The following PLCXD2 variants were observed in gnomAD, a reference collection of about 807,000 sequenced individuals.
PLCXD2 encodes the protein PI-PLC X domain-containing protein 2.
In PLCXD2, 21 loss-of-function variants were observed where a neutral mutation model predicts 28.6. That is an observed-to-expected ratio of 0.73 (90% CI 0.52 to 1.06). The LOEUF (loss-of-function observed/expected upper bound fraction) is 1.06, where lower values mean the gene tolerates loss of function less well. Ranked by LOEUF, PLCXD2 falls within the 50% of genes least tolerant of loss-of-function variation. The pLI, the probability that PLCXD2 is intolerant of heterozygous loss-of-function variation, is 0.00. For synonymous variants in PLCXD2, 140 were observed against 150.1 expected, an observed-to-expected ratio of 0.93 and a Z score of 0.49; for missense variants, 369 against 376.7, an observed-to-expected ratio of 0.98 and a Z score of 0.17.
chr3:111,711,259 C>T (rs1339916715), intron 2 of PLCXD2, among the ~76,000 whole-genome samples: 1 of 152,152 alleles, frequency 6.6e-6, no homozygotes, highest in Non-Finnish European at 1.5e-5. Flanking sequence ...CAAAAATTAG[C>T]TGGGCATGGT....
chr3:111,722,213 T>TTATTTATG lies in PLCXD2; in HGVS notation c.866+8088_866+8089insTTATGTAT, dbSNP rs1559799987. On this transcript the variant is annotated intron_variant, in intron 3 of 4. Transcript: ENST00000477665. ...TTTATTTATTTATTTATTTATTTATTTATAGATTAAATATCTGCCGTGCTT... is the reference window on the plus strand; with the variant it reads ...TTTATTTATTTATTTATTTATTTATTTATTTATGTATAGATTAAATATCTGCCGTGCTT... The TTATTTATG allele has an allele frequency of 3.9e-5, 6 of 152,080 alleles. No homozygotes were observed. In the East Asian group the frequency reaches 1.2e-3, roughly 29 times the overall value. 9.4% of individuals were successfully genotyped at this position (152,080 alleles called of 1,614,324 possible).
At position 111,708,270 on chromosome 3, in the gene PLCXD2, G is replaced by A. The variant is rs2107862819; in HGVS notation, c.508G>A (p.Glu170Lys). Residue 170 changes from glutamate to lysine, a missense_variant, in exon 2 of 5, where the codon GAG becomes AAG. Physicochemically the swap from Glu to Lys is moderately conservative, Grantham distance 56 (BLOSUM62 1). Transcript: ENST00000477665. Reference sequence around the variant, plus strand: ...TTTCAACCACTTCTATGCCATGGATGAGACCCATCACAAATGCCTGGTTCT... The same window carrying A: ...TTTCAACCACTTCTATGCCATGGATAAGACCCATCACAAATGCCTGGTTCT... 2 of 1,614,154 alleles carry A rather than the reference G, an allele frequency of 1.2e-6. No individual in the cohort carries two copies. Among genetic ancestry groups the A allele is most frequent in the African/African-American group, 1.3e-5 (1 of 75,038 alleles).
At chr3:111,725,496 G>T (rs1035914900) in intron 3 of PLCXD2, 5 of 396,950 alleles carry the variant, frequency 1.3e-5, no homozygotes, top group Middle Eastern at 6.3e-4. Flanking sequence ...GACGCTCTCC[G>T]TAGCTTCTGG....
chr3:111,711,778 C>T (rs1233838714), intron 2 of PLCXD2, among the ~76,000 whole-genome samples: 2 of 152,104 alleles, frequency 1.3e-5, no homozygotes, highest in African/African-American at 4.8e-5. Flanking sequence ...AACTGATAGA[C>T]AATTGCATGA....
At chr3:111,703,888 A>G (rs1022828662) in intron 1 of PLCXD2, among the ~76,000 whole-genome samples, 6 of 152,154 alleles carry the variant, frequency 3.9e-5, no homozygotes, top group Non-Finnish European at 8.8e-5. Flanking sequence ...TCACTTGCAA[A>G]ATTCAATTTG....
At position 111,697,107 on chromosome 3, in the gene PLCXD2, C is replaced by G. The variant is rs141239386; in HGVS notation, c.164-10819C>G. On this transcript the variant is annotated intron_variant, in intron 1 of 4. Transcript: ENST00000477665. ...TGTAGATATTCCATCCAAACTCTTGCTATCCAAACATTTGCTATAACTTAT... is the reference window on the plus strand; with the variant it reads ...TGTAGATATTCCATCCAAACTCTTGGTATCCAAACATTTGCTATAACTTAT... Among the ~76,000 whole-genome samples, 314 of 152,216 alleles carry G rather than the reference C, an allele frequency of 2.1e-3. 1 individual carries two copies. The highest frequency in any genetic ancestry group is 3.9e-3 in the Non-Finnish European group (264 of 67,992).
intron 1 of PLCXD2, among the ~76,000 whole-genome samples, chr3:111,689,291 G>A (rs1559792529): frequency 6.6e-6 from 1 of 152,180 alleles, no homozygotes; most frequent in Non-Finnish European, 1.5e-5. Flanking sequence ...ACAGAGAAGG[G>A]CTGCCATGGT....
chr3:111,717,847 G>A (rs1018770653), intron 3 of PLCXD2, among the ~76,000 whole-genome samples: 2 of 152,164 alleles, frequency 1.3e-5, no homozygotes, highest in Admixed American at 6.5e-5. Context: ...TATCTTTAAG[G>A]AAGTCTGTAT....
rs1559796513 is a variant in PLCXD2, at chr3:111,708,177, G to T, written c.415G>T (p.Val139Phe). The T allele has an allele frequency of 1.2e-6, 2 of 1,614,204 alleles. No individual in the cohort carries two copies. The highest frequency in any genetic ancestry group is 1.3e-5 in the African/African-American group (1 of 75,050). Residue 139 changes from valine to phenylalanine, a missense_variant, in exon 2 of 5, where the codon GTC becomes TTC. Transcript: ENST00000477665. ...CATCCATGGGCTTTTTGGCATCAAG[G>T]TCTGGGATGGGCTGATGGAAATTGA...
chr3:111,679,913 G>A (rs978961673), intron 1 of PLCXD2, among the ~76,000 whole-genome samples: 2 of 152,068 alleles, frequency 1.3e-5, no homozygotes, highest in Non-Finnish European at 2.9e-5. Context: ...GCCTCTCCCA[G>A]ATCTCATTTC....
chr3:111,688,883 A>G (rs1371122038), intron 1 of PLCXD2, among the ~76,000 whole-genome samples: 21 of 152,006 alleles, frequency 1.4e-4, no homozygotes, highest in Admixed American at 1.4e-3. Flanking sequence ...CCAATTATGA[A>G]ATAAATATGT....
intron 1 of PLCXD2, among the ~76,000 whole-genome samples, chr3:111,706,298 A>C (rs1471361502): frequency 6.6e-6 from 1 of 152,124 alleles, no homozygotes; most frequent in Non-Finnish European, 1.5e-5. Context: ...ATAGTTTGTA[A>C]ATATTTTCTC....
chr3:111,688,772 G>A (rs998724277), intron 1 of PLCXD2, among the ~76,000 whole-genome samples: 6 of 151,766 alleles, frequency 4.0e-5, no homozygotes, highest in Admixed American at 2.0e-4. Flanking sequence ...ACACAACAAA[G>A]TTACTTAAGA....
intron 1 of PLCXD2, among the ~76,000 whole-genome samples, chr3:111,681,654 G>A (rs1940716846): frequency 6.6e-6 from 1 of 152,066 alleles, no homozygotes; most frequent in African/African-American, 2.4e-5. Context: ...CCTCCACTGG[G>A]CCCAAATCTC....
At chr3:111,688,768 C>G (rs1386177090) in intron 1 of PLCXD2, among the ~76,000 whole-genome samples, 4 of 151,794 alleles carry the variant, frequency 2.6e-5, no homozygotes, top group Admixed American at 2.6e-4. Flanking sequence ...TACTACACAA[C>G]AAAGTTACTT....
Position 111,708,339 on chromosome 3 carries a change from A to G in PLCXD2, c.577A>G (p.Ser193Gly). ...TGGAAACAAGCTGTGCCCAGCCTGCAGTGTGGAAAGTTTGACGCTGCGAAC... is the reference window on the plus strand; with the variant it reads ...TGGAAACAAGCTGTGCCCAGCCTGCGGTGTGGAAAGTTTGACGCTGCGAAC... The change falls in exon 2 of 5, where the codon AGT (serine) becomes GGT (glycine). Residue 193 changes from serine (S) to glycine (G), a missense_variant. Physicochemically the swap from Ser to Gly is moderately conservative, Grantham distance 56. Transcript: ENST00000477665. The G allele has an allele frequency of 6.2e-7, 1 of 1,614,162 alleles. No homozygotes were observed. The highest frequency in any genetic ancestry group is 8.5e-7 in the Non-Finnish European group (1 of 1,180,048).
intron 3 of PLCXD2, among the ~76,000 whole-genome samples, chr3:111,719,389 C>A (rs891574484): frequency 1.3e-5 from 2 of 152,010 alleles, no homozygotes; most frequent in Non-Finnish European, 2.9e-5. Flanking sequence ...TTCTACAACT[C>A]AACAATTTTT....
chr3:111,725,527 A>G (rs1372182803), intron 3 of PLCXD2: 1 of 397,578 alleles, frequency 2.5e-6, no homozygotes, highest in African/African-American at 2.1e-5. Flanking sequence ...TTCCTTCTAG[A>G]AACAAGGACT....
chr3:111,714,943 A>AG (rs1332169264), intron 3 of PLCXD2, among the ~76,000 whole-genome samples: 61 of 152,354 alleles, frequency 4.0e-4, no homozygotes, highest in African/African-American at 1.4e-3. Flanking sequence ...AGATATTTAC[A>AG]AGAATCAGTT....
Sources: allele counts gnomAD v4.1 joint callset (sites outside exome capture counted in the v4.1 genomes callset), GRCh38; gene constraint gnomAD v4.1.1; transcripts MANE v1.5; gene names NCBI Gene and HGNC (gene_info 2026-07-23, HGNC 2026-07-21).